Variants in AHI1 observed in about 807,000 individuals in gnomAD.
The protein encoded by AHI1 is jouberin.
A neutral mutation model predicts 149.3 loss-of-function variants in AHI1; 123 were observed. The observed-to-expected ratio is 0.82, with a 90% confidence interval of 0.71 to 0.96. The LOEUF is 0.96. Among genes scored for constraint, AHI1 ranks in the 40% least tolerant of loss-of-function variants. AHI1 has a pLI of 0.00. For synonymous variants in AHI1, 475 were observed against 459.8 expected (o/e 1.03, Z -0.42); for missense variants, 1,439 against 1,422.7 (o/e 1.01, Z -0.18).
chr6:135,481,069 C>T (rs543949948), intron 5 of AHI1, among the ~76,000 whole-genome samples: 17 of 152,136 alleles, frequency 1.1e-4, no homozygotes, highest in African/African-American at 2.9e-4. Context: ...ATCATCATAA[C>T]GGTGGGGCTG....
chr6:135,445,929 G>A (rs9494241), intron 13 of AHI1, among the ~76,000 whole-genome samples: 1,527 of 152,024 alleles, frequency 0.01, 27 homozygotes, highest in African/African-American at 0.034. Context: ...GGTGGCAGAC[G>A]CCTGTAGTCC....
rs1459947382 is a variant in AHI1, at chr6:135,283,854, A to T, written c.*1791T>A. 1.3e-5 allele frequency: 2 copies of T among 152,216 alleles called. No homozygotes were observed. The highest frequency in any genetic ancestry group is 4.8e-5 in the African/African-American group (2 of 41,458). 9.4% of individuals were successfully genotyped at this position (152,216 alleles called of 1,614,324 possible). Reference sequence around the variant, plus strand: ...ACAACCCTTTATTTTTCATATAAACATCAAGAGCTTAGCAAATGCTTAGCT... The same window carrying T: ...ACAACCCTTTATTTTTCATATAAACTTCAAGAGCTTAGCAAATGCTTAGCT... On this transcript the variant is annotated 3_prime_UTR_variant, in exon 29 of 29. Coordinates refer to ENST00000265602, the MANE Select transcript of AHI1 (RefSeq NM_001134831.2).
chr6:135,371,195 T>A (rs1775006795), intron 23 of AHI1, among the ~76,000 whole-genome samples: 2 of 152,186 alleles, frequency 1.3e-5, no homozygotes, highest in South Asian at 4.1e-4. Flanking sequence ...AACAGAAAAA[T>A]CTAATGTTTT....
At chr6:135,405,960 C>T (rs1388002798) in intron 21 of AHI1, among the ~76,000 whole-genome samples, 2 of 151,332 alleles carry the variant, frequency 1.3e-5, no homozygotes, top group East Asian at 1.9e-4. Context: ...ATAGCATCAG[C>T]CTAGTACAGT....
In AHI1 at chr6:135,357,114, A is replaced by AT. The variant is rs369664388; in HGVS notation, c.3165+1017dup. 4.0e-3 allele frequency among the ~76,000 whole-genome samples: 615 copies of AT among 152,046 alleles called. 2 individuals carry two copies. The highest frequency in any genetic ancestry group is 0.014 in the African/African-American group (574 of 41,486). ...CCACCATGCCCAGATAACTTTTTGT[A>AT]TTTTAGTAGAGATGGGGTTTCACCA... is the stretch of plus-strand genomic sequence containing the variant. On this transcript the variant is annotated intron_variant, in intron 24 of 28. Coordinates refer to ENST00000265602, the MANE Select transcript of AHI1 (RefSeq NM_001134831.2).
chr6:135,297,295 C>T, intron 27 of AHI1: 2 of 358,438 alleles, frequency 5.6e-6, no homozygotes, highest in Non-Finnish European at 1.1e-5. Context: ...TGCAATTCCC[C>T]AACTCCAAGA....
chr6:135,427,306 T>C lies in AHI1; in HGVS notation c.2625A>G (p.Gly875=). 6.2e-7 allele frequency: 1 copy of C among 1,607,418 alleles called. No individual in the cohort carries two copies. Among genetic ancestry groups the C allele is most frequent in the Middle Eastern group, 1.7e-4 (1 of 5,974 alleles). Residue 875 remains glycine, a splice_region_variant and synonymous_variant, in exon 20 of 29, where the codon GGA becomes GGG. Coordinates refer to ENST00000265602, the MANE Select transcript of AHI1 (RefSeq NM_001134831.2). ...AGTCAGAATACATGGCTACTTGTTC[T>C]CCTAAATAAAAAGAGAGATTCAAAA... ...GIVYVWNPET[G]EQVAMYSDLP...
chr6:135,421,053 G>C (rs1037027659), intron 20 of AHI1, among the ~76,000 whole-genome samples: 1 of 152,100 alleles, frequency 6.6e-6, no homozygotes. Flanking sequence ...CTGAAGAGAG[G>C]GAGAGAAATG....
At chr6:135,366,252 T>G (rs1443859076) in intron 23 of AHI1, among the ~76,000 whole-genome samples, 5 of 152,118 alleles carry the variant, frequency 3.3e-5, no homozygotes, top group African/African-American at 7.2e-5. Context: ...TTCTTTTTTT[T>G]TTGTTACGTC....
rs183204975 is a variant in AHI1, at chr6:135,372,491, A to G, written c.3110-14304T>C. ...TGAGACTAGCCCTGGCAACATAGCG[A>G]GACCCTGTCTCTACCGGAAAAAAAA... On this transcript the variant is annotated intron_variant, in intron 23 of 28. Transcript: ENST00000265602. Among the ~76,000 whole-genome samples, 50 of 150,776 alleles carry G rather than the reference A, an allele frequency of 3.3e-4. No homozygotes were observed. The East Asian group carries it at 8.4e-3, about 25-fold the overall frequency.
intron 22 of AHI1, among the ~76,000 whole-genome samples, 185 bp downstream of exon 22, chr6:135,404,766 G>T (rs1780516516): frequency 2.0e-5 from 3 of 152,140 alleles, no homozygotes; most frequent in African/African-American, 7.2e-5. Flanking sequence ...CTTGCTAAAT[G>T]ATCACCCTTA....
intron 21 of AHI1, among the ~76,000 whole-genome samples, chr6:135,408,400 A>G (rs1162069018): frequency 3.9e-5 from 6 of 152,084 alleles, no homozygotes; most frequent in Admixed American, 2.0e-4. Flanking sequence ...AGCATGCATT[A>G]TTTGATTATA....
At chr6:135,392,222 T>A (rs894022699) in intron 23 of AHI1, among the ~76,000 whole-genome samples, 1 of 152,202 alleles carries the variant, frequency 6.6e-6, no homozygotes, top group Non-Finnish European at 1.5e-5. Flanking sequence ...GCTAAATAGA[T>A]GGCCTTAAAC....
At chr6:135,465,638 A>G (rs1422560471) in intron 7 of AHI1, among the ~76,000 whole-genome samples, 176 bp downstream of exon 7, 1 of 152,196 alleles carries the variant, frequency 6.6e-6, no homozygotes, top group South Asian at 2.1e-4. Context: ...TAATTCTCGT[A>G]AAGCACCTAG....
chr6:135,290,448 G>A lies in AHI1; in HGVS notation c.3563C>T (p.Ala1188Val), dbSNP rs767765604. 13 of 1,608,356 alleles carry A rather than the reference G, an allele frequency of 8.1e-6. No homozygotes were observed. The highest frequency in any genetic ancestry group is 1.0e-5 in the Non-Finnish European group (12 of 1,174,836). ...MDTRMRKNKQ[A>V]GRKVTLIE ...CTCTATTAGAGTGACTTTTCTGCCT[G>A]CTTGCTTGTTCTTCCTCATCCGTGT... The change falls in exon 28 of 29, where the codon GCA becomes GTA. Residue 1188 changes from alanine (A) to valine (V), a missense_variant. Transcript: ENST00000265602.
intron 23 of AHI1, among the ~76,000 whole-genome samples, chr6:135,372,499 T>C (rs1775210887): frequency 6.9e-6 from 1 of 145,246 alleles, no homozygotes; most frequent in East Asian, 2.0e-4. Flanking sequence ...CGAGACCCTG[T>C]CTCTACCGGA....
At chr6:135,453,910 C>T (rs1362932811) in intron 10 of AHI1, among the ~76,000 whole-genome samples, 1 of 152,048 alleles carries the variant, frequency 6.6e-6, no homozygotes, top group Non-Finnish European at 1.5e-5. Flanking sequence ...TTCCTCTATC[C>T]TGTCTGGACA....
chr6:135,295,655 A>T (rs1370102948), intron 27 of AHI1, among the ~76,000 whole-genome samples: 4 of 152,220 alleles, frequency 2.6e-5, no homozygotes, highest in African/African-American at 9.6e-5. Flanking sequence ...TGTGGTATTT[A>T]AAACTCTAGA....
At chr6:135,293,630 C>T (rs1476770993) in intron 27 of AHI1, among the ~76,000 whole-genome samples, 1 of 105,864 alleles carries the variant, frequency 9.4e-6, no homozygotes, top group African/African-American at 1.1e-4. Flanking sequence ...ATACCATTTA[C>T]ATATGAAACA....
Sources: allele counts gnomAD v4.1 joint callset (sites outside exome capture counted in the v4.1 genomes callset), GRCh38; gene constraint gnomAD v4.1.1; transcripts MANE v1.5; gene names NCBI Gene and HGNC (gene_info 2026-07-23, HGNC 2026-07-21).